CSMD1: variants seen among roughly 807,000 people sequenced by gnomAD.
CSMD1 encodes the protein CUB and Sushi multiple domains 1.
In CSMD1, 213 loss-of-function variants were observed where a neutral mutation model predicts 417.5. The ratio of observed to expected loss-of-function variants is 0.51; its 90% CI spans 0.46 to 0.57. The LOEUF (loss-of-function observed/expected upper bound fraction) is 0.57, where lower values mean the gene tolerates loss of function less well. Ranked by LOEUF, CSMD1 falls within the 20% of genes least tolerant of loss-of-function variation. The pLI is 0.00. For synonymous variants in CSMD1, 2,862 were observed against 1,736.8 expected (o/e 1.65, Z -16.11); for missense variants, 6,923 against 4,529.7 (o/e 1.53, Z -15.17).
chr8:3,059,471 G>A (rs980491984), intron 49 of CSMD1, among the ~76,000 whole-genome samples: 1 of 152,134 alleles, frequency 6.6e-6, no homozygotes, highest in Non-Finnish European at 1.5e-5. Context: ...TTTGTGAGCC[G>A]CTGTGAAGCG....
chr8:4,471,664 T>C (rs1250052137), intron 2 of CSMD1, among the ~76,000 whole-genome samples: 2 of 152,070 alleles, frequency 1.3e-5, no homozygotes, highest in East Asian at 3.9e-4. Flanking sequence ...ATGCTCACCC[T>C]GGTTGAGGAA....
intron 3 of CSMD1, among the ~76,000 whole-genome samples, chr8:4,329,669 C>G (rs1799759066): frequency 1.3e-5 from 2 of 152,068 alleles, no homozygotes; most frequent in African/African-American, 2.4e-5. Context: ...TATCCCCACC[C>G]AAATCTCATG....
Position 4,816,374 on chromosome 8 carries a change from C to T in CSMD1, c.85+177958G>A, listed in dbSNP as rs898701155. ...TAATTTTTGAATCTTTAGTACAAAG[C>T]GGGAGATGGGGGGCTGGGGGCACTG... On this transcript the variant is annotated intron_variant, in intron 1 of 69. Coordinates refer to ENST00000635120, the MANE Select transcript of CSMD1 (RefSeq NM_033225.6). Among the ~76,000 whole-genome samples, 6 of 151,266 alleles carry T rather than the reference C, an allele frequency of 4.0e-5. No homozygotes were observed. In the East Asian group the frequency reaches 5.9e-4, roughly 15 times the overall value.
At chr8:3,966,184 G>T (rs1447138542) in intron 5 of CSMD1, among the ~76,000 whole-genome samples, 1 of 152,078 alleles carries the variant, frequency 6.6e-6, no homozygotes, top group Non-Finnish European at 1.5e-5. Flanking sequence ...AATGTCTAAG[G>T]TACCACGGTA....
At chr8:3,362,661 C>T (rs1809273923) in intron 20 of CSMD1, among the ~76,000 whole-genome samples, 1 of 152,196 alleles carries the variant, frequency 6.6e-6, no homozygotes, top group Non-Finnish European at 1.5e-5. Flanking sequence ...ATACATCCCT[C>T]AATATCCCCA....
At chr8:4,714,148 A>C (rs1470150567) in intron 1 of CSMD1, among the ~76,000 whole-genome samples, 1 of 151,818 alleles carries the variant, frequency 6.6e-6, no homozygotes, top group Admixed American at 6.6e-5. Flanking sequence ...CTGTCTCAAA[A>C]AGAAAAAAAA....
intron 7 of CSMD1, among the ~76,000 whole-genome samples, chr8:3,621,032 G>C (rs1796208177): frequency 6.6e-6 from 1 of 152,084 alleles, no homozygotes; most frequent in Admixed American, 6.6e-5. Flanking sequence ...TCTAAGAAGG[G>C]TAAGTTAGCA....
At chr8:4,468,705 A>C (rs150259361) in intron 2 of CSMD1, among the ~76,000 whole-genome samples, 1 of 152,216 alleles carries the variant, frequency 6.6e-6, no homozygotes, top group African/African-American at 2.4e-5. Flanking sequence ...AGTGTTTAGC[A>C]TAATTCAAAA....
At chr8:3,896,700 C>T (rs762406921) in intron 5 of CSMD1, among the ~76,000 whole-genome samples, 8 of 151,754 alleles carry the variant, frequency 5.3e-5, no homozygotes, top group East Asian at 1.9e-4. Flanking sequence ...TTATTGGAGA[C>T]GGGATTTCAC....
intron 11 of CSMD1, among the ~76,000 whole-genome samples, chr8:3,475,228 C>T (rs6558779): frequency 0.55 from 83,774 of 151,914 alleles, 23,688 homozygotes; most frequent in Middle Eastern, 0.63. Context: ...ATCCTTCACG[C>T]AATTCAGTTT....
intron 12 of CSMD1, among the ~76,000 whole-genome samples, chr8:3,456,544 T>G (rs970439754): frequency 3.3e-5 from 5 of 152,100 alleles, no homozygotes; most frequent in African/African-American, 1.2e-4. Context: ...GTTGGCGCAG[T>G]TTTTCACTTA....
intron 5 of CSMD1, among the ~76,000 whole-genome samples, chr8:3,982,796 C>T (rs945313117): frequency 6.6e-6 from 1 of 152,164 alleles, no homozygotes; most frequent in African/African-American, 2.4e-5. Flanking sequence ...GGGCAAGAAT[C>T]CGCTGGAGGA....
At chr8:3,747,078 T>C (rs140433578) in intron 6 of CSMD1, among the ~76,000 whole-genome samples, 1 of 152,182 alleles carries the variant, frequency 6.6e-6, no homozygotes, top group Non-Finnish European at 1.5e-5. Context: ...TGATGTTAAG[T>C]AGTGGGAGCA....
intron 6 of CSMD1, among the ~76,000 whole-genome samples, chr8:3,740,688 T>C (rs940015377): frequency 6.6e-6 from 1 of 150,980 alleles, no homozygotes; most frequent in African/African-American, 2.4e-5. Flanking sequence ...GGAAGAGGAG[T>C]CGAAGCAAAC....
intron 2 of CSMD1, among the ~76,000 whole-genome samples, chr8:4,599,541 T>G (rs1261221212): frequency 1.3e-5 from 2 of 151,540 alleles, no homozygotes; most frequent in East Asian, 3.9e-4. Context: ...GCACAATATA[T>G]AAAATTACAA....
chr8:4,882,139 A>G (rs979483803), intron 1 of CSMD1, among the ~76,000 whole-genome samples: 2 of 152,224 alleles, frequency 1.3e-5, no homozygotes, highest in African/African-American at 4.8e-5. Context: ...CTGATGAAGC[A>G]CATGTAGTTA....
chr8:3,318,128 ATTTCTT>A (rs1805900046), intron 23 of CSMD1, among the ~76,000 whole-genome samples: 1 of 152,170 alleles, frequency 6.6e-6, no homozygotes, highest in Non-Finnish European at 1.5e-5. Context: ...TTTAATTATG[ATTTCTT>A]TCCTGATGAT....
At chr8:4,409,057 C>T (rs1177275086) in intron 3 of CSMD1, among the ~76,000 whole-genome samples, 1 of 152,162 alleles carries the variant, frequency 6.6e-6, no homozygotes, top group East Asian at 1.9e-4. Flanking sequence ...GCACATTCGG[C>T]ATTGAATTTA....
intron 4 of CSMD1, among the ~76,000 whole-genome samples, chr8:4,002,541 G>A (rs977642296): frequency 5.9e-5 from 9 of 152,034 alleles, no homozygotes; most frequent in African/African-American, 1.2e-4. Flanking sequence ...AGCCCATTTC[G>A]ACTGAGAAAA....
Sources: allele counts gnomAD v4.1 joint callset (sites outside exome capture counted in the v4.1 genomes callset), GRCh38; gene constraint gnomAD v4.1.1; transcripts MANE v1.5; gene names NCBI Gene and HGNC (gene_info 2026-07-23, HGNC 2026-07-21).